Variants in PCSK6 observed in about 807,000 individuals in gnomAD.
PCSK6 encodes the protein paired basic amino acid cleaving enzyme 4.
Under a neutral mutation model 123.3 loss-of-function variants are expected in PCSK6, and 85 were observed. The observed-to-expected ratio is 0.69, with a 90% CI of 0.58 to 0.83. PCSK6 has a LOEUF of 0.83. Ranked by LOEUF, PCSK6 falls within the 40% of genes least tolerant of loss-of-function variation. PCSK6 has a pLI of 0.00. For missense variants in PCSK6, 1,191 were observed against 1,282.3 expected (o/e 0.93, Z 1.09); for synonymous variants, 508 against 516.0 (o/e 0.98, Z 0.21).
chr15:101,320,313 T>G (rs2040089765), intron 18 of PCSK6, among the ~76,000 whole-genome samples: 1 of 152,170 alleles, frequency 6.6e-6, no homozygotes. Flanking sequence ...TTCGAACTCC[T>G]AGCCTCAAGT....
chr15:101,417,671 C>T (rs1048111138), intron 6 of PCSK6, among the ~76,000 whole-genome samples: 3 of 152,044 alleles, frequency 2.0e-5, no homozygotes, highest in South Asian at 4.1e-4. Flanking sequence ...TATTAGAACA[C>T]ATAAAATCCT....
chr15:101,346,271 T>C (rs150202019), intron 13 of PCSK6: 3 of 152,286 alleles, frequency 2.0e-5, no homozygotes, highest in Admixed American at 1.3e-4. Flanking sequence ...TGTCCGCTCA[T>C]AATAGGAAAA....
At chr15:101,403,235 C>T (rs1271464927) in intron 6 of PCSK6, among the ~76,000 whole-genome samples, 81 of 127,422 alleles carry the variant, frequency 6.4e-4, no homozygotes, top group Middle Eastern at 5.6e-3. Flanking sequence ...AACACATGGA[C>T]ACAGGAAGGG....
chr15:101,464,366 G>C (rs906505072), intron 1 of PCSK6, among the ~76,000 whole-genome samples: 10 of 152,062 alleles, frequency 6.6e-5, no homozygotes, highest in African/African-American at 1.9e-4. Context: ...GTGTGGACAA[G>C]GTGGTTCCCT....
intron 1 of PCSK6, among the ~76,000 whole-genome samples, chr15:101,460,341 C>T (rs1197453394): frequency 1.3e-5 from 2 of 152,224 alleles, no homozygotes; most frequent in Non-Finnish European, 2.9e-5. Context: ...GGCCTTCCTT[C>T]ACCAGTATTA....
intron 6 of PCSK6, among the ~76,000 whole-genome samples, chr15:101,425,626 T>TATATGC: frequency 8.2e-6 from 1 of 122,696 alleles, no homozygotes; most frequent in South Asian, 2.3e-4. Flanking sequence ...CTGCTGTTGT[T>TATATGC]TATATACATA....
chr15:101,430,159 C>G, intron 4 of PCSK6, 96 bp from the exon 5 acceptor site: 1 of 861,560 alleles, frequency 1.2e-6, no homozygotes, highest in Admixed American at 2.0e-5. Context: ...AGAAACCACA[C>G]GCGGGGCTCC....
chr15:101,393,820 A>G (rs7173569), intron 7 of PCSK6, among the ~76,000 whole-genome samples: 131,017 of 152,216 alleles, frequency 0.86, 56,614 homozygotes, highest in African/African-American at 0.91. Context: ...AGATGATGGA[A>G]GAATTTACAA....
At chr15:101,375,175 A>T (rs1596253880) in intron 11 of PCSK6, among the ~76,000 whole-genome samples, 1 of 151,088 alleles carries the variant, frequency 6.6e-6, no homozygotes, top group African/African-American at 2.4e-5. Context: ...CTGGTCTCAA[A>T]CTCCTGACCT....
chr15:101,317,608 C>T lies in PCSK6; in HGVS notation c.2569+711G>A, dbSNP rs149016475. Among the ~76,000 whole-genome samples, 666 of 152,312 alleles carry T rather than the reference C, an allele frequency of 4.4e-3. 2 individuals are homozygous for T. Among genetic ancestry groups the T allele is most frequent in the Middle Eastern group, 0.01 (3 of 294 alleles). ...CATCCCCACCTGGATCCATTCCCGCCTCTCCCAAAGCCCTCTCAATGTTTA... is the reference window on the plus strand; with the variant it reads ...CATCCCCACCTGGATCCATTCCCGCTTCTCCCAAAGCCCTCTCAATGTTTA... On this transcript the variant is annotated intron_variant, in intron 19 of 21. Coordinates refer to ENST00000611716, the MANE Select transcript of PCSK6 (RefSeq NM_002570.5).
chr15:101,455,592 C>A (rs1487456250), intron 1 of PCSK6, among the ~76,000 whole-genome samples: 2 of 152,232 alleles, frequency 1.3e-5, no homozygotes, highest in Non-Finnish European at 2.9e-5. Context: ...GCACAGTGAC[C>A]AAGCTCCTAT....
chr15:101,418,047 C>A (rs1401645247), intron 6 of PCSK6, among the ~76,000 whole-genome samples: 1 of 151,976 alleles, frequency 6.6e-6, no homozygotes, highest in Non-Finnish European at 1.5e-5. Context: ...TAACTATAAA[C>A]ATGGAGGATG....
intron 19 of PCSK6, among the ~76,000 whole-genome samples, chr15:101,316,011 G>A (rs574444694): frequency 2.0e-5 from 3 of 152,336 alleles, no homozygotes; most frequent in Non-Finnish European, 2.9e-5. Context: ...CCCTCCCCAC[G>A]ACTGTGCCCA....
chr15:101,352,654 G>A (rs775736579), intron 13 of PCSK6, among the ~76,000 whole-genome samples: 14 of 152,194 alleles, frequency 9.2e-5, no homozygotes, highest in Non-Finnish European at 1.8e-4. Context: ...TCCAGCACCA[G>A]TGCCAGATCA....
chr15:101,481,023 C>G (rs773099580), intron 1 of PCSK6, among the ~76,000 whole-genome samples: 1 of 152,156 alleles, frequency 6.6e-6, no homozygotes, highest in Non-Finnish European at 1.5e-5. Flanking sequence ...AGTGCCCAGG[C>G]CAGTGAGAGC....
intron 11 of PCSK6, among the ~76,000 whole-genome samples, chr15:101,372,228 C>T (rs1253606784): frequency 1.3e-5 from 2 of 152,166 alleles, no homozygotes; most frequent in East Asian, 3.9e-4. Flanking sequence ...ATTAATAACT[C>T]CCCACCACAC....
chr15:101,305,536 C>T lies in PCSK6; in HGVS notation c.2813-181G>A, dbSNP rs1009375902. On this transcript the variant is annotated intron_variant, in intron 21 of 21. Transcript: ENST00000611716. This position sits in a 1 kb window ranked among gnomAD's most constrained non-coding sequence, Gnocchi z 4.8. ...CAGTCTAACCAACATGGTGAAACCCCGTCTCTACTAATAATATAAAAATTA... is the reference window on the plus strand; with the variant it reads ...CAGTCTAACCAACATGGTGAAACCCTGTCTCTACTAATAATATAAAAATTA... 3.9e-5 allele frequency: 21 copies of T among 543,150 alleles called. No individual in the cohort carries two copies. The highest frequency in any genetic ancestry group is 8.7e-5 in the Admixed American group (3 of 34,478). 33.6% of individuals were successfully genotyped at this position (543,150 alleles called of 1,614,324 possible). A position where few individuals can be genotyped will look rare whatever the true frequency, so the allele number is the denominator to read the frequency against.
intron 9 of PCSK6, among the ~76,000 whole-genome samples, chr15:101,387,465 G>A (rs2042098623): frequency 6.6e-6 from 1 of 152,152 alleles, no homozygotes; most frequent in Non-Finnish European, 1.5e-5. Flanking sequence ...ATGGGTCCAG[G>A]GAGTGAGAAA....
rs990567415 is a variant in PCSK6, at chr15:101,409,219, C to T, written c.824-10643G>A. 6.6e-5 allele frequency among the ~76,000 whole-genome samples: 10 copies of T among 152,062 alleles called. No individual in the cohort carries two copies. In the East Asian group the frequency reaches 7.8e-4, roughly 12 times the overall value. On this transcript the variant is annotated intron_variant, in intron 6 of 21. Transcript: ENST00000611716. ...ATGCCTGTAATCCCAGCACTTTGGGCGGCCGAGGCGGGCGGATCACGAGGT... is the reference window on the plus strand; with the variant it reads ...ATGCCTGTAATCCCAGCACTTTGGGTGGCCGAGGCGGGCGGATCACGAGGT...
Sources: allele counts gnomAD v4.1 joint callset (sites outside exome capture counted in the v4.1 genomes callset), GRCh38; gene constraint gnomAD v4.1.1; non-coding constraint Gnocchi (gnomAD v3.1); transcripts MANE v1.5; gene names NCBI Gene and HGNC (gene_info 2026-07-23, HGNC 2026-07-21).